XXYLT1: variants seen among roughly 807,000 people sequenced by gnomAD.
The protein encoded by XXYLT1 is xyloside xylosyltransferase 1, also known as UDP-xylose:alpha-xyloside alpha-1,3-xylosyltransferase.
A neutral mutation model predicts 28.9 loss-of-function variants in XXYLT1; 20 were observed. The observed-to-expected ratio is 0.69, with a 90% CI of 0.49 to 1.00. The LOEUF is 1.00. XXYLT1 is among the 50% of genes least tolerant of loss of function. The pLI is 0.00. For missense variants in XXYLT1, 542 were observed against 560.1 expected (o/e 0.97, Z 0.33); for synonymous variants, 257 against 253.8 (o/e 1.01, Z -0.12).
chr3:195,187,354 T>C (rs1722247216), intron 2 of XXYLT1, among the ~76,000 whole-genome samples: 1 of 152,148 alleles, frequency 6.6e-6, no homozygotes, highest in Non-Finnish European at 1.5e-5. Context: ...TGAGCCACCA[T>C]GCCCGGCCAG....
At chr3:195,243,763 C>T (rs1296441073) in intron 1 of XXYLT1, among the ~76,000 whole-genome samples, 1 of 152,186 alleles carries the variant, frequency 6.6e-6, no homozygotes, top group African/African-American at 2.4e-5. Context: ...AGGTAACAGT[C>T]ATAATGGACG....
intron 2 of XXYLT1, among the ~76,000 whole-genome samples, chr3:195,208,360 T>A (rs1577147687): frequency 6.6e-6 from 1 of 152,284 alleles, no homozygotes; most frequent in African/African-American, 2.4e-5. Flanking sequence ...GTCAGCTCTA[T>A]ATCTGAGAGT....
At chr3:195,268,162 G>T (rs1225458908) in intron 1 of XXYLT1, among the ~76,000 whole-genome samples, 1 of 152,116 alleles carries the variant, frequency 6.6e-6, no homozygotes, top group Non-Finnish European at 1.5e-5. Flanking sequence ...AGGCGCGGTG[G>T]TTCACGCCTG....
chr3:195,142,746 T>G (rs1246568892), intron 3 of XXYLT1, among the ~76,000 whole-genome samples: 1 of 152,242 alleles, frequency 6.6e-6, no homozygotes, highest in Non-Finnish European at 1.5e-5. Context: ...GGGGTCTTCA[T>G]GCGGCCAGCC....
intron 3 of XXYLT1, among the ~76,000 whole-genome samples, chr3:195,109,305 A>G (rs1717323529): frequency 1.3e-5 from 2 of 152,176 alleles, no homozygotes; most frequent in Non-Finnish European, 2.9e-5. Context: ...AGAAGGCGGA[A>G]TAACCAGGCC....
At chr3:195,082,330 C>T (rs1305998699) in intron 3 of XXYLT1, among the ~76,000 whole-genome samples, 11 of 152,202 alleles carry the variant, frequency 7.2e-5, no homozygotes, top group Non-Finnish European at 1.3e-4. Context: ...GTTTGCCTCC[C>T]CGTCAGCCCC....
intron 3 of XXYLT1, among the ~76,000 whole-genome samples, chr3:195,116,619 C>T (rs1376020099): frequency 6.6e-6 from 1 of 152,180 alleles, no homozygotes; most frequent in Non-Finnish European, 1.5e-5. Flanking sequence ...AACTCTATTT[C>T]CTGCTCTCTC....
At chr3:195,109,228 TCCA>T (rs1183959186) in intron 3 of XXYLT1, among the ~76,000 whole-genome samples, 1 of 152,126 alleles carries the variant, frequency 6.6e-6, no homozygotes, top group African/African-American at 2.4e-5. Context: ...GCAAGGTACT[TCCA>T]CAGCAGAGGC....
chr3:195,112,766 C>T (rs1302987722), intron 3 of XXYLT1, among the ~76,000 whole-genome samples: 1 of 150,306 alleles, frequency 6.7e-6, no homozygotes, highest in East Asian at 2.0e-4. Context: ...CGCGCATGCA[C>T]ACACACACAC....
chr3:195,263,576 C>G (rs2108857067), intron 1 of XXYLT1, among the ~76,000 whole-genome samples: 1 of 152,290 alleles, frequency 6.6e-6, no homozygotes, highest in South Asian at 2.1e-4. Flanking sequence ...GCTTCCCTCC[C>G]CAGAAGCTGT....
intron 2 of XXYLT1, among the ~76,000 whole-genome samples, chr3:195,188,042 C>T (rs11916287): frequency 0.047 from 7,187 of 152,214 alleles, 597 homozygotes; most frequent in African/African-American, 0.16. Context: ...TTGCTTGGCT[C>T]TATATTTAGA....
chr3:195,137,711 C>A lies in XXYLT1; in HGVS notation c.785+18738G>T, dbSNP rs933741531. Among the ~76,000 whole-genome samples the A allele has an allele frequency of 7.2e-5, 11 of 152,276 alleles. No homozygotes were observed. The South Asian group carries it at 2.3e-3, about 32-fold the overall frequency. On this transcript the variant is annotated intron_variant, in intron 3 of 3. Transcript: ENST00000310380. ...GGAAAGTTATGGCTTGTATCGGACA[C>A]GGAGAAAGGGAGAGGGCTCTGATGG...
At chr3:195,073,957 C>T (rs113093395) in intron 3 of XXYLT1, among the ~76,000 whole-genome samples, 19 of 152,274 alleles carry the variant, frequency 1.2e-4, no homozygotes, top group African/African-American at 4.1e-4. Flanking sequence ...TAAGGGCTCT[C>T]GAGAGAGCCG....
intron 2 of XXYLT1, among the ~76,000 whole-genome samples, chr3:195,213,794 T>C (rs1475136668): frequency 1.3e-5 from 2 of 152,208 alleles, no homozygotes; most frequent in African/African-American, 4.8e-5. Context: ...CCTGGAACTT[T>C]TCACACAGTA....
chr3:195,178,668 G>A (rs1207792090), intron 2 of XXYLT1, among the ~76,000 whole-genome samples: 1 of 152,172 alleles, frequency 6.6e-6, no homozygotes, highest in African/African-American at 2.4e-5. Flanking sequence ...GCCCAGCTCT[G>A]AAGCACGGTC....
intron 1 of XXYLT1, among the ~76,000 whole-genome samples, chr3:195,238,719 C>T (rs2108820041): frequency 6.6e-6 from 1 of 152,274 alleles, no homozygotes; most frequent in African/African-American, 2.4e-5. Flanking sequence ...TAGCACCAAA[C>T]CTCCTCCCAG....
chr3:195,268,799 A>G (rs148130987), intron 1 of XXYLT1, among the ~76,000 whole-genome samples: 1 of 152,316 alleles, frequency 6.6e-6, no homozygotes, highest in Non-Finnish European at 1.5e-5. Flanking sequence ...AAAGTGGGGT[A>G]GTCCGAGCAT....
At chr3:195,263,973 G>T (rs530642316) in intron 1 of XXYLT1, among the ~76,000 whole-genome samples, 4 of 152,278 alleles carry the variant, frequency 2.6e-5, no homozygotes, top group African/African-American at 4.8e-5. Flanking sequence ...CTCTATGGAG[G>T]ATGCTCTCCT....
chr3:195,251,027 C>A (rs115856251), intron 1 of XXYLT1, among the ~76,000 whole-genome samples: 2,078 of 152,346 alleles, frequency 0.014, 37 homozygotes, highest in African/African-American at 0.047. Context: ...TTCCCTCTGT[C>A]GGCATAAATG....
Sources: gnomAD v4.1 joint callset for allele counts (sites outside exome capture counted in the v4.1 genomes callset) on GRCh38, gnomAD v4.1.1 for gene constraint, MANE v1.5 for transcripts, NCBI Gene and HGNC (gene_info 2026-07-23, HGNC 2026-07-21) for gene names.